THOP1: variants seen among roughly 807,000 people sequenced by gnomAD.
THOP1 encodes the protein thimet oligopeptidase.
A neutral mutation model predicts 71.8 loss-of-function variants in THOP1; 49 were observed. The observed-to-expected ratio is 0.68, with a 90% CI of 0.54 to 0.87. The LOEUF is 0.87. THOP1 is among the 40% of genes least tolerant of loss of function. The pLI is 0.00. For synonymous variants in THOP1, 426 were observed against 421.5 expected (o/e 1.01, Z -0.13); for missense variants, 843 against 975.6 (o/e 0.86, Z 1.81).
rs780026012 is a variant in THOP1, at chr19:2,813,140, T to C, written c.1934T>C (p.Ile645Thr). The C allele has an allele frequency of 6.2e-7, 1 of 1,611,648 alleles. No homozygotes were observed. The highest frequency in any genetic ancestry group is 1.7e-5 in the Admixed American group (1 of 59,910). The change falls in exon 13 of 13, where the codon ATC becomes ACC. Residue 645 changes from isoleucine to threonine, a missense_variant. Transcript: ENST00000307741. Reference sequence around the variant, plus strand: ...GTTGGCATGGATTACAGAAGCTGCATCCTGAGACCCGGCGGTTCCGAGGAT... The same window carrying C: ...GTTGGCATGGATTACAGAAGCTGCACCCTGAGACCCGGCGGTTCCGAGGAT... ...SKVGMDYRSC[I>T]LRPGGSEDAS...
chr19:2,803,325 G>A (rs563200331), intron 5 of THOP1, among the ~76,000 whole-genome samples: 4 of 152,320 alleles, frequency 2.6e-5, no homozygotes, highest in African/African-American at 7.2e-5. Flanking sequence ...CAAGTGCAGC[G>A]GGGCATGCCG....
rs1220120954 is a variant in THOP1 at position 2,805,145 on chromosome 19, T to C, written c.719T>C (p.Val240Ala). 4 of 1,612,284 alleles carry C rather than the reference T, an allele frequency of 2.5e-6. No individual in the cohort carries two copies. Among genetic ancestry groups the C allele is most frequent in the East Asian group, 2.2e-5 (1 of 44,872 alleles). ...CACGTGCCTGAGACCAGGAGGAAAG[T>C]GGAGGAGGCCTTCAACTGCCGGTGC... is the stretch of plus-strand genomic sequence containing the variant. Reference protein sequence around the residue: ...KCHVPETRRKVEEAFNCRCKE... With the variant: ...KCHVPETRRKAEEAFNCRCKE... The change falls in exon 6 of 13, where the codon GTG becomes GCG. Residue 240 changes from valine (V) to alanine (A), a missense_variant. By Grantham distance (64) the Val-to-Ala change is moderately conservative (BLOSUM62 0). Coordinates refer to ENST00000307741, the MANE Select transcript of THOP1 (RefSeq NM_003249.5). This position sits in a 1 kb window ranked among gnomAD's most constrained non-coding sequence, Gnocchi z 6.6.
intron 12 of THOP1, chr19:2,812,172 C>T: frequency 6.7e-7 from 1 of 1,484,080 alleles, no homozygotes; most frequent in South Asian, 1.3e-5. Context: ...TTGGCGTTTG[C>T]CATTCATTTG....
Position 2,808,261 on chromosome 19 carries a change from C to T in THOP1, c.1272C>T (p.His424=), listed in dbSNP as rs1407489089. 5.8e-6 allele frequency: 9 copies of T among 1,550,036 alleles called. No individual in the cohort carries two copies. The highest frequency in any genetic ancestry group is 3.9e-5 in the Admixed American group (2 of 51,096). The change falls in exon 9 of 13, where the codon CAC becomes CAT. Residue 424 remains histidine, a synonymous_variant. Coordinates refer to ENST00000307741, the MANE Select transcript of THOP1 (RefSeq NM_003249.5). ...DLYPREGKYG[H]AACFGLQPGC... ...TCCCCAGGGAAGGAAAGTACGGGCACGCGGCCTGCTTTGGCCTGCAGCCCG... is the reference window on the plus strand; with the variant it reads ...TCCCCAGGGAAGGAAAGTACGGGCATGCGGCCTGCTTTGGCCTGCAGCCCG...
At chr19:2,794,531 G>A (rs997920926) in intron 2 of THOP1, among the ~76,000 whole-genome samples, 1 of 152,032 alleles carries the variant, frequency 6.6e-6, no homozygotes, top group Non-Finnish European at 1.5e-5. Context: ...ATTTTTCTTC[G>A]GTCTGTAAGA....
rs766840214 is a variant in THOP1, at chr19:2,808,362, A to G, written c.1373A>G (p.Asp458Gly). The change falls in exon 9 of 13, where the codon GAC becomes GGC. Residue 458 changes from aspartate (D) to glycine (G), a missense_variant. By Grantham distance (94) the Asp-to-Gly change is moderately conservative. Transcript: ENST00000307741. ...MVANFTKPTA[D>G]APSLLQHDEV... is the part of the protein sequence containing the mutation. The stretch of plus-strand genomic sequence containing the variant: ...GCCAACTTCACCAAGCCCACAGCCG[A>G]CGCGCCCTCGCTGCTGCAGCATGAC... 6.2e-7 allele frequency: 1 copy of G among 1,610,546 alleles called. No homozygotes were observed. The highest frequency in any genetic ancestry group is 1.7e-5 in the Admixed American group (1 of 59,790).
chr19:2,808,372 G>A lies in THOP1; in HGVS notation c.1383G>A (p.Ser461=), dbSNP rs756922459. ...NFTKPTADAP[S]LLQHDEVETY... ...CCAAGCCCACAGCCGACGCGCCCTC[G>A]CTGCTGCAGCATGACGAGGTGGAGA... is the stretch of plus-strand genomic sequence containing the variant. The change falls in exon 9 of 13, where the codon TCG becomes TCA. Residue 461 remains serine (S), a synonymous_variant. Coordinates refer to ENST00000307741, the MANE Select transcript of THOP1 (RefSeq NM_003249.5). 5.6e-6 allele frequency: 9 copies of A among 1,610,864 alleles called. No individual in the cohort carries two copies. Among genetic ancestry groups the A allele is most frequent in the South Asian group, 2.2e-5 (2 of 90,882 alleles).
At chr19:2,806,208 G>A (rs1421386248) in intron 6 of THOP1, 1 of 152,340 alleles carries the variant, frequency 6.6e-6, no homozygotes, top group Non-Finnish European at 1.5e-5. Context: ...CGCCTTAGAA[G>A]GTCAACTGGG....
Position 2,810,731 on chromosome 19 carries a change from G to A in THOP1, c.1734G>A (p.Arg578=). 2 of 1,598,970 alleles carry A rather than the reference G, an allele frequency of 1.3e-6. No individual in the cohort carries two copies. The highest frequency in any genetic ancestry group is 1.3e-5 in the African/African-American group (1 of 74,892). Residue 578 remains arginine, a synonymous_variant, in exon 11 of 13, where the codon CGG becomes CGA. Coordinates refer to ENST00000307741, the MANE Select transcript of THOP1 (RefSeq NM_003249.5). ...CAGACCCCGCCGAGGAGTATGCGCG[G>A]CTCTGCCAGGAGATCCTCGGGGTCC... ...TDADPAEEYA[R]LCQEILGVPA...
intron 7 of THOP1, 148 bp downstream of exon 7, chr19:2,807,200 C>G (rs1194497170): frequency 7.8e-7 from 1 of 1,275,638 alleles, no homozygotes; most frequent in Non-Finnish European, 1.0e-6. Context: ...CTCACTCCCC[C>G]CGAGGGACCC....
chr19:2,813,727 G>C lies in THOP1; in HGVS notation c.*451G>C, dbSNP rs1353834746. 3.6e-5 allele frequency: 5 copies of C among 139,484 alleles called. No homozygotes were observed. The highest frequency in any genetic ancestry group is 7.9e-5 in the Non-Finnish European group (5 of 63,298). 8.6% of individuals were successfully genotyped at this position (139,484 alleles called of 1,614,324 possible). A position where few individuals can be genotyped will look rare whatever the true frequency, so the allele number is the denominator to read the frequency against. On this transcript the variant is annotated 3_prime_UTR_variant, in exon 13 of 13. Coordinates refer to ENST00000307741, the MANE Select transcript of THOP1 (RefSeq NM_003249.5). The stretch of plus-strand genomic sequence containing the variant: ...CCTGGATTGGGGCTCAGGTCCTTGT[G>C]GGGGCGGGGGGTGGGGGAGTAAAGG...
At position 2,805,715 on chromosome 19, in the gene THOP1, G is replaced by A. The variant is rs1036305377; in HGVS notation, c.750+539G>A. On this transcript the variant is annotated intron_variant, in intron 6 of 12. Transcript: ENST00000307741. The surrounding 1 kb of genome is among the most constrained non-coding windows in gnomAD (Gnocchi z 6.6). ...TGGAACAGGCAGAGGCTCTAGGAGT[G>A]GGCCTCTTGGTCCCCTGACGACACC... Among the ~76,000 whole-genome samples the A allele has an allele frequency of 1.3e-5, 2 of 152,174 alleles. No individual in the cohort carries two copies. The highest frequency in any genetic ancestry group is 1.3e-4 in the Admixed American group (2 of 15,284).
chr19:2,799,585 G>A, intron 4 of THOP1, 104 bp from the exon 5 acceptor site: 1 of 905,290 alleles, frequency 1.1e-6, no homozygotes, highest in South Asian at 1.5e-5. Context: ...CCTGGTTCTT[G>A]GGGAAATCCC....
chr19:2,786,813 G>T (rs536220095), intron 1 of THOP1: 4 of 142,522 alleles, frequency 2.8e-5, no homozygotes, highest in African/African-American at 1.1e-4. Context: ...ACCCAGGCTG[G>T]AGTGCAGTGG....
intron 5 of THOP1, among the ~76,000 whole-genome samples, chr19:2,800,128 A>G (rs80297725): frequency 0.021 from 3,273 of 152,272 alleles, 134 homozygotes; most frequent in South Asian, 0.15. Context: ...CCCTGAGGGA[A>G]CCACAATTTT....
At chr19:2,808,699 TCA>T (rs1037349587) in intron 9 of THOP1, among the ~76,000 whole-genome samples, 29 of 152,228 alleles carry the variant, frequency 1.9e-4, no homozygotes, top group South Asian at 1.0e-3. Context: ...GAGTCGGAGG[TCA>T]CAGTGTCAGC....
At chr19:2,795,151 G>C (rs1182819413) in intron 3 of THOP1, among the ~76,000 whole-genome samples, 2 of 152,136 alleles carry the variant, frequency 1.3e-5, no homozygotes, top group Non-Finnish European at 2.9e-5. Context: ...GTAGGCACAG[G>C]GTTTTGCCAT....
intron 4 of THOP1, among the ~76,000 whole-genome samples, chr19:2,797,040 C>T (rs1321821899): frequency 6.6e-6 from 1 of 152,220 alleles, no homozygotes; most frequent in Non-Finnish European, 1.5e-5. Context: ...TCACAGTTCC[C>T]AGGAACTGGC....
rs1048224954 is a variant in THOP1 at position 2,810,475 on chromosome 19, C to T, written c.1627C>T (p.Arg543Trp). ...RELLEKLIES[R>W]QANTGLFNLR... ...GCTCCTGGAGAAGCTCATTGAGTCC[C>T]GGCAGGCCAACACAGGTGCACCCGC... The change falls in exon 10 of 13, where the codon CGG becomes TGG. Residue 543 changes from arginine to tryptophan, a missense_variant. By Grantham distance (101) the Arg-to-Trp change is moderately radical (BLOSUM62 -3). Coordinates refer to ENST00000307741, the MANE Select transcript of THOP1 (RefSeq NM_003249.5). 10 of 1,562,020 alleles carry T rather than the reference C, an allele frequency of 6.4e-6. No individual in the cohort carries two copies. The highest frequency in any genetic ancestry group is 1.9e-5 in the Admixed American group (1 of 51,650).
Sources: gnomAD v4.1 joint callset for allele counts (sites outside exome capture counted in the v4.1 genomes callset) on GRCh38, gnomAD v4.1.1 for gene constraint, Gnocchi (gnomAD v3.1) non-coding constraint, MANE v1.5 for transcripts, NCBI Gene and HGNC (gene_info 2026-07-23, HGNC 2026-07-21) for gene names.